The following AGBL2 variants were observed in gnomAD, a reference collection of about 807,000 sequenced individuals.
AGBL2 encodes the protein AGBL carboxypeptidase 2.
A neutral mutation model predicts 103.0 loss-of-function variants in AGBL2; 87 were observed. The ratio of observed to expected loss-of-function variants is 0.84; its 90% CI spans 0.71 to 1.01. The LOEUF (loss-of-function observed/expected upper bound fraction) is 1.01, where lower values mean the gene tolerates loss of function less well. AGBL2 is among the 50% of genes least tolerant of loss of function. The pLI, the probability that AGBL2 is intolerant of heterozygous loss-of-function variation, is 0.00. For missense variants in AGBL2, 904 were observed against 1,023.5 expected, an observed-to-expected ratio of 0.88 and a Z score of 1.59; for synonymous variants, 335 against 356.7, an observed-to-expected ratio of 0.94 and a Z score of 0.69.
At chr11:47,691,729 A>AAAAAAAAAAATATATATATATATATATAT in intron 9 of AGBL2, among the ~76,000 whole-genome samples, 1 of 4,856 alleles carries the variant, frequency 2.1e-4, no homozygotes, top group Non-Finnish European at 3.6e-4. Context: ...AAAAAAAAAA[A>AAAAAAAAAAATATATATATATATATATAT]ATATATATAT....
intron 9 of AGBL2, 35 bp from the exon 10 acceptor site, chr11:47,690,893 T>C (rs779699709): frequency 1.3e-6 from 2 of 1,531,398 alleles, no homozygotes; most frequent in Non-Finnish European, 1.8e-6. Context: ...TCTGTAAGCT[T>C]ACACCCTGCC....
chr11:47,706,033 A>G, intron 4 of AGBL2, 116 bp from the exon 5 acceptor site: 1 of 795,856 alleles, frequency 1.3e-6, no homozygotes, highest in Non-Finnish European at 2.2e-6. Context: ...CTGCATTTCT[A>G]TCTAAATCTT....
intron 17 of AGBL2, among the ~76,000 whole-genome samples, chr11:47,665,402 C>T (rs1260046611): frequency 6.6e-6 from 1 of 151,820 alleles, no homozygotes; most frequent in African/African-American, 2.4e-5. Context: ...TGCTATGTTG[C>T]CAGAGCTAGT....
intron 13 of AGBL2, among the ~76,000 whole-genome samples, chr11:47,677,734 T>C (rs1203090414): frequency 6.6e-6 from 1 of 152,150 alleles, no homozygotes; most frequent in African/African-American, 2.4e-5. Context: ...ATTACAGGCG[T>C]GAGCCATCAT....
chr11:47,694,774 A>G (rs748103233), intron 8 of AGBL2, among the ~76,000 whole-genome samples: 7 of 152,196 alleles, frequency 4.6e-5, no homozygotes, highest in Non-Finnish European at 7.3e-5. Flanking sequence ...CAACACCAGC[A>G]TTCCACATCA....
intron 9 of AGBL2, among the ~76,000 whole-genome samples, chr11:47,691,729 A>AAAAAAAAAAAATATATATATAT: frequency 2.1e-4 from 1 of 4,854 alleles, no homozygotes; most frequent in Non-Finnish European, 3.6e-4. Flanking sequence ...AAAAAAAAAA[A>AAAAAAAAAAAATATATATATAT]ATATATATAT....
chr11:47,682,641 C>T (rs1348531993), intron 11 of AGBL2, among the ~76,000 whole-genome samples: 1 of 152,156 alleles, frequency 6.6e-6, no homozygotes, highest in Non-Finnish European at 1.5e-5. Flanking sequence ...AACCCTCTCC[C>T]TTACACTAAT....
At chr11:47,714,911 C>T (rs2097545667) in intron 1 of AGBL2, 161 bp from the exon 2 acceptor site, 2 of 509,338 alleles carry the variant, frequency 3.9e-6, no homozygotes, top group Admixed American at 6.6e-5. Flanking sequence ...GGGAGGGCAG[C>T]GTATCTTCCC....
intron 4 of AGBL2, among the ~76,000 whole-genome samples, chr11:47,709,562 C>A (rs940493667): frequency 3.3e-5 from 5 of 151,946 alleles, no homozygotes; most frequent in African/African-American, 1.2e-4. Flanking sequence ...AAGCATTATC[C>A]ATCAAACTGT....
At chr11:47,691,090 C>G (rs1004517366) in intron 9 of AGBL2, among the ~76,000 whole-genome samples, 7 of 77,862 alleles carry the variant, frequency 9.0e-5, no homozygotes, top group Non-Finnish European at 1.8e-4. Context: ...CCCATCTCTA[C>G]TAAATATACA....
Position 47,706,824 on chromosome 11 carries a change from G to A in AGBL2, c.233-907C>T, listed in dbSNP as rs181489371. Reference sequence around the variant, plus strand: ...AGCACTTTGGGAGGCCAAGGCAGGCGGATCATTTGAGGTCAGGAGTTCGAG... The same window carrying A: ...AGCACTTTGGGAGGCCAAGGCAGGCAGATCATTTGAGGTCAGGAGTTCGAG... On this transcript the variant is annotated intron_variant, in intron 4 of 18. Coordinates refer to ENST00000525123, the MANE Select transcript of AGBL2 (RefSeq NM_024783.4). Among the ~76,000 whole-genome samples the A allele has an allele frequency of 5.3e-3, 787 of 148,020 alleles. 9 individuals are homozygous for A. Among genetic ancestry groups the A allele is most frequent in the African/African-American group, 0.018 (704 of 40,082 alleles).
intron 9 of AGBL2, among the ~76,000 whole-genome samples, 166 bp from the exon 10 acceptor site, chr11:47,691,024 C>T (rs763002371): frequency 3.8e-4 from 57 of 150,644 alleles, no homozygotes; most frequent in South Asian, 6.3e-4. Flanking sequence ...GAGGCTGAGG[C>T]GGGCTGATTA....
At chr11:47,665,561 T>A (rs1243074502) in intron 17 of AGBL2, among the ~76,000 whole-genome samples, 1 of 152,066 alleles carries the variant, frequency 6.6e-6, no homozygotes, top group Non-Finnish European at 1.5e-5. Flanking sequence ...TCTCATGTGA[T>A]CTGCCCACCT....
intron 6 of AGBL2, 44 bp from the exon 7 acceptor site, chr11:47,704,772 C>A (rs1337567647): frequency 6.5e-7 from 1 of 1,535,608 alleles, no homozygotes; most frequent in Non-Finnish European, 8.9e-7. Flanking sequence ...CCTTTTCCTC[C>A]TTGGGAACTT....
At chr11:47,686,195 A>AT in intron 10 of AGBL2, 146 bp from the exon 11 acceptor site, 1 of 752,150 alleles carries the variant, frequency 1.3e-6, no homozygotes, top group Non-Finnish European at 2.2e-6. Context: ...AATGGACCCT[A>AT]TCTCCATTCT....
chr11:47,714,376 GATA>G (rs754973207), intron 2 of AGBL2, 29 bp from the exon 3 acceptor site: 4 of 1,601,132 alleles, frequency 2.5e-6, no homozygotes, highest in East Asian at 2.2e-5. Context: ...CTTCAATCAA[GATA>G]ATGTTTTCAA....
chr11:47,707,169 CT>C (rs1432369203), intron 4 of AGBL2, among the ~76,000 whole-genome samples: 4 of 152,036 alleles, frequency 2.6e-5, no homozygotes, highest in Non-Finnish European at 5.9e-5. Context: ...TTTCTACTCC[CT>C]GCCAGGAGCT....
chr11:47,699,136 C>T (rs770859613), intron 8 of AGBL2, among the ~76,000 whole-genome samples: 8 of 152,020 alleles, frequency 5.3e-5, no homozygotes, highest in Non-Finnish European at 1.0e-4. Context: ...CACTAAAGTA[C>T]GTATAACAGG....
At chr11:47,689,587 G>A (rs1302308203) in intron 10 of AGBL2, among the ~76,000 whole-genome samples, 1 of 151,874 alleles carries the variant, frequency 6.6e-6, no homozygotes, top group Non-Finnish European at 1.5e-5. Flanking sequence ...TTACAGCCGT[G>A]AGCCACCACG....
Sources: gnomAD v4.1 joint callset for allele counts (sites outside exome capture counted in the v4.1 genomes callset) on GRCh38, gnomAD v4.1.1 for gene constraint, MANE v1.5 for transcripts, NCBI Gene and HGNC (gene_info 2026-07-23, HGNC 2026-07-21) for gene names.